COG2: variants seen among roughly 807,000 people sequenced by gnomAD.
COG2 encodes the protein conserved oligomeric Golgi complex subunit 2.
COG2 carries 52 observed loss-of-function variants against 90.6 expected under a neutral mutation model. The observed-to-expected ratio is 0.57, with a 90% CI of 0.46 to 0.72. The LOEUF is 0.72. COG2 is among the 30% of genes least tolerant of loss of function. The pLI is 0.00. For missense variants in COG2, 829 were observed against 891.2 expected (o/e 0.93, Z 0.89); for synonymous variants, 337 against 320.4 (o/e 1.05, Z -0.55).
chr1:230,643,678 A>C (rs189150662), intron 1 of COG2, among the ~76,000 whole-genome samples: 2 of 152,196 alleles, frequency 1.3e-5, no homozygotes, highest in East Asian at 3.9e-4. Flanking sequence ...GTAGATCTGT[A>C]TCTTCTCCAG....
chr1:230,657,424 C>T (rs535049322), intron 1 of COG2, among the ~76,000 whole-genome samples: 62 of 152,290 alleles, frequency 4.1e-4, no homozygotes, highest in African/African-American at 1.4e-3. Context: ...AGGGTTTCTG[C>T]TGAGAGATCC....
Position 230,691,538 on chromosome 1 carries a change from C to G in COG2, c.2089C>G (p.Leu697Val). 1.2e-6 allele frequency: 2 copies of G among 1,614,008 alleles called. No homozygotes were observed. The highest frequency in any genetic ancestry group is 1.7e-6 in the Non-Finnish European group (2 of 1,179,988). The change falls in exon 17 of 18, where the codon CTA becomes GTA. Residue 697 changes from leucine (L) to valine (V), a missense_variant. Leu to Val is a conservative substitution (Grantham distance 32, BLOSUM62 1). Coordinates refer to ENST00000366669, the MANE Select transcript of COG2 (RefSeq NM_007357.3). ...CGACAAAATCAGGCTGCAGTTGGCC[C>G]TAGATGTTGAGTACTTGGGAGAGCA... is the stretch of plus-strand genomic sequence containing the variant. Reference protein sequence around the residue: ...DDDKIRLQLALDVEYLGEQIQ... With the variant: ...DDDKIRLQLAVDVEYLGEQIQ...
intron 17 of COG2, 60 bp from the exon 18 acceptor site, chr1:230,693,232 T>G: frequency 1.2e-5 from 12 of 987,078 alleles, no homozygotes; most frequent in Non-Finnish European, 1.8e-5. Flanking sequence ...TTTCTTTTTT[T>G]TCCCCCCCCA....
chr1:230,692,364 A>AG (rs1332721386), intron 17 of COG2, among the ~76,000 whole-genome samples: 1 of 151,514 alleles, frequency 6.6e-6, no homozygotes, highest in East Asian at 1.9e-4. Flanking sequence ...AAAAAAAAAA[A>AG]GCAGTCAAAA....
At chr1:230,649,802 C>G (rs1215099107) in intron 1 of COG2, among the ~76,000 whole-genome samples, 1 of 152,104 alleles carries the variant, frequency 6.6e-6, no homozygotes, top group Admixed American at 6.5e-5. Flanking sequence ...GAGGTTTGTG[C>G]TTCTAGTGTG....
intron 1 of COG2, among the ~76,000 whole-genome samples, chr1:230,651,159 G>A (rs566374207): frequency 3.3e-5 from 5 of 151,956 alleles, no homozygotes; most frequent in Non-Finnish European, 7.4e-5. Context: ...TTGCCTCTTG[G>A]TAGTACCTCC....
chr1:230,679,882 G>T (rs923212972), intron 10 of COG2: 3 of 152,174 alleles, frequency 2.0e-5, no homozygotes, highest in Non-Finnish European at 2.9e-5. Flanking sequence ...CTAGCGTTCT[G>T]AGGAATAATT....
chr1:230,644,866 A>G (rs1661722604), intron 1 of COG2, among the ~76,000 whole-genome samples: 1 of 152,184 alleles, frequency 6.6e-6, no homozygotes, highest in Admixed American at 6.5e-5. Flanking sequence ...GAGGCTACTT[A>G]AAAAGTTATT....
At chr1:230,679,347 T>G (rs1662676331) in intron 10 of COG2, 1 of 242,670 alleles carries the variant, frequency 4.1e-6, no homozygotes, top group Admixed American at 5.3e-5. Context: ...CCTCATTCAT[T>G]GTGAAAAGAG....
At chr1:230,659,670 T>G in intron 2 of COG2, 45 bp downstream of exon 2, 2 of 1,572,552 alleles carry the variant, frequency 1.3e-6, no homozygotes, top group South Asian at 1.1e-5. Context: ...TACAATTTCT[T>G]TCTCACTCAT....
chr1:230,679,018 A>G lies in COG2; in HGVS notation c.1132A>G (p.Lys378Glu). 6.2e-7 allele frequency: 1 copy of G among 1,613,530 alleles called. No homozygotes were observed. The highest frequency in any genetic ancestry group is 8.5e-7 in the Non-Finnish European group (1 of 1,179,496). Residue 378 changes from lysine to glutamate, a missense_variant, in exon 10 of 18, where the codon AAG becomes GAG. By Grantham distance (56) the Lys-to-Glu change is moderately conservative. Transcript: ENST00000366669. ...CCATCCTGCCTATCACAGCTTCAATAAGAAGTGGAACTTGCCTGTTTATTT... is the reference window on the plus strand; with the variant it reads ...CCATCCTGCCTATCACAGCTTCAATGAGAAGTGGAACTTGCCTGTTTATTT... ...RAHPAYHSFN[K>E]KWNLPVYFQI... is the part of the protein sequence containing the mutation.
At chr1:230,685,028 A>C in intron 11 of COG2, 57 bp from the exon 12 acceptor site, 1 of 1,579,148 alleles carries the variant, frequency 6.3e-7, no homozygotes, top group Non-Finnish European at 8.6e-7. Flanking sequence ...ACATTAGACT[A>C]TAGCCTAAAA....
intron 15 of COG2, 138 bp downstream of exon 15, chr1:230,688,700 T>C (rs1662948537): frequency 1.0e-6 from 1 of 986,978 alleles, no homozygotes; most frequent in African/African-American, 1.6e-5. Flanking sequence ...GAGAATGGTA[T>C]TGATGAAGAG....
chr1:230,683,283 C>G (rs1308055931), intron 10 of COG2: 1 of 314,958 alleles, frequency 3.2e-6, no homozygotes, highest in Non-Finnish European at 5.9e-6. Flanking sequence ...GCAACAACTT[C>G]TTGATGGAGA....
rs776834342 is a variant in COG2, at chr1:230,668,784, G to A, written c.594G>A (p.Pro198=). ...TGCCTCTTTTGGACAAAGTAAGACC[G>A]GTAAGTGTTGTTTTGGATTTCCACA... ...KGMPLLDKVR[P]RIAGITAMLQ... The change falls in exon 6 of 18, where the codon CCG becomes CCA. Residue 198 remains proline, a splice_region_variant and synonymous_variant. Coordinates refer to ENST00000366669, the MANE Select transcript of COG2 (RefSeq NM_007357.3). The A allele has an allele frequency of 5.6e-5, 88 of 1,574,416 alleles. No individual in the cohort carries two copies. Among genetic ancestry groups the A allele is most frequent in the Non-Finnish European group, 7.0e-5 (81 of 1,149,816 alleles).
rs1662807093 is a variant in COG2 at position 230,683,559 on chromosome 1, T to C, written c.1167-15T>C. 1 of 1,590,700 alleles carries C rather than the reference T, an allele frequency of 6.3e-7. No individual in the cohort carries two copies. The highest frequency in any genetic ancestry group is 1.3e-5 in the African/African-American group (1 of 74,448). On this transcript the variant is annotated splice_polypyrimidine_tract_variant and intron_variant, in intron 10 of 17. Transcript: ENST00000366669. ...GAGTCATAAACATTAATTCTTCTTC[T>C]TGTTTTTATCTCAGATTTAGAGAAA... is the stretch of plus-strand genomic sequence containing the variant.
At chr1:230,665,075 T>G (rs1262561677) in intron 5 of COG2, among the ~76,000 whole-genome samples, 1 of 152,218 alleles carries the variant, frequency 6.6e-6, no homozygotes, top group Admixed American at 6.5e-5. Context: ...GTTTCCTTTG[T>G]TATACTGTAG....
chr1:230,658,127 T>C (rs1479291135), intron 1 of COG2, among the ~76,000 whole-genome samples: 1 of 152,146 alleles, frequency 6.6e-6, no homozygotes, highest in Non-Finnish European at 1.5e-5. Context: ...GGAGTTGTGA[T>C]CCTTTGGAGG....
intron 8 of COG2, among the ~76,000 whole-genome samples, chr1:230,674,375 A>G (rs566563651): frequency 4.1e-4 from 63 of 152,344 alleles, no homozygotes; most frequent in Non-Finnish European, 7.5e-4. Context: ...GCTGCCTGTC[A>G]TCTACATTTG....
Sources: gnomAD v4.1 joint callset for allele counts (sites outside exome capture counted in the v4.1 genomes callset) on GRCh38, gnomAD v4.1.1 for gene constraint, MANE v1.5 for transcripts, NCBI Gene and HGNC (gene_info 2026-07-23, HGNC 2026-07-21) for gene names.